Variants in RIMBP2 observed in about 807,000 individuals in gnomAD.
The protein encoded by RIMBP2 is RIMS-binding protein 2.
Under a neutral mutation model 118.6 loss-of-function variants are expected in RIMBP2, and 48 were observed. The observed-to-expected ratio is 0.40, with a 90% CI of 0.32 to 0.51. The LOEUF is 0.51. Ranked by LOEUF, RIMBP2 falls within the 20% of genes least tolerant of loss-of-function variation. The pLI is 0.41. For synonymous variants in RIMBP2, 762 were observed against 742.9 expected (o/e 1.03, Z -0.42); for missense variants, 1,551 against 1,768.3 (o/e 0.88, Z 2.20).
intron 2 of RIMBP2, among the ~76,000 whole-genome samples, chr12:130,520,353 G>T (rs1255777075): frequency 6.6e-6 from 1 of 151,996 alleles, no homozygotes; most frequent in Non-Finnish European, 1.5e-5. Context: ...GTCCAAGCGT[G>T]AACAGGCACT....
chr12:130,403,382 C>T (rs754504719), intron 21 of RIMBP2, among the ~76,000 whole-genome samples: 6 of 152,104 alleles, frequency 3.9e-5, no homozygotes, highest in Non-Finnish European at 8.8e-5. Flanking sequence ...GAAGACTATT[C>T]AAGAAACTAA....
intron 2 of RIMBP2, among the ~76,000 whole-genome samples, chr12:130,587,132 C>T (rs1490246735): frequency 1.0e-3 from 124 of 120,758 alleles, no homozygotes; most frequent in East Asian, 4.7e-3. Flanking sequence ...CAATGAGATA[C>T]CATCTCACAC....
rs563138987 is a variant in RIMBP2 at position 130,583,590 on chromosome 12, ATC to A, written c.-217+44730_-217+44731del. ...ACCATCACCTCATCACCGTTTCATCATCATCATTACCTTCATCACTAACATTA... is the reference window on the plus strand; with the variant it reads ...ACCATCACCTCATCACCGTTTCATCAATCATTACCTTCATCACTAACATTA... On this transcript the variant is annotated intron_variant, in intron 2 of 22. Coordinates refer to ENST00000690449, the MANE Select transcript of RIMBP2 (RefSeq NM_001393629.1). 2.5e-3 allele frequency among the ~76,000 whole-genome samples: 371 copies of A among 151,202 alleles called. 1 individual carries two copies. The highest frequency in any genetic ancestry group is 6.9e-3 in the Middle Eastern group (2 of 290).
chr12:130,407,525 GC>G (rs1160172018), intron 20 of RIMBP2, among the ~76,000 whole-genome samples, 200 bp downstream of exon 20: 2 of 152,192 alleles, frequency 1.3e-5, no homozygotes, highest in Admixed American at 6.5e-5. Flanking sequence ...TCAGGGGCTG[GC>G]CATGTCCCTG....
At chr12:130,437,466 C>T (rs1164119016) in intron 12 of RIMBP2, among the ~76,000 whole-genome samples, 175 bp from the exon 13 acceptor site, 1 of 152,052 alleles carries the variant, frequency 6.6e-6, no homozygotes, top group Non-Finnish European at 1.5e-5. Context: ...GGGGAGGGGG[C>T]GGGGCAGGTT....
At chr12:130,626,126 G>A (rs2061604676) in intron 2 of RIMBP2, among the ~76,000 whole-genome samples, 1 of 152,164 alleles carries the variant, frequency 6.6e-6, no homozygotes, top group Admixed American at 6.6e-5. Context: ...GATGATTAGT[G>A]GCTCTATTGT....
rs1242045867 is a variant in RIMBP2, at chr12:130,646,286, A to T, written c.-351-17830T>A. ...CTCCACCTGCCTCACCACCTCCCTC[A>T]CCACCTGCCTCTCCACCTCCCTCAC... On this transcript the variant is annotated intron_variant, in intron 1 of 22. Coordinates refer to ENST00000690449, the MANE Select transcript of RIMBP2 (RefSeq NM_001393629.1). Among the ~76,000 whole-genome samples the T allele has an allele frequency of 6.2e-4, 21 of 34,004 alleles. 3 individuals are homozygous for T. Among genetic ancestry groups the T allele is most frequent in the South Asian group, 5.9e-3 (3 of 506 alleles). 22.3% of individuals were successfully genotyped at this position (34,004 alleles called of 152,430 possible).
At chr12:130,569,774 C>T (rs1344472155) in intron 2 of RIMBP2, among the ~76,000 whole-genome samples, 1 of 152,214 alleles carries the variant, frequency 6.6e-6, no homozygotes, top group African/African-American at 2.4e-5. Flanking sequence ...CCTCCCCAGC[C>T]ATGCTTCCTG....
chr12:130,686,131 G>A (rs1483787905), intron 1 of RIMBP2, among the ~76,000 whole-genome samples: 2 of 152,200 alleles, frequency 1.3e-5, no homozygotes, highest in African/African-American at 4.8e-5. Context: ...CAGGCTGCCT[G>A]GCCCTGGAGA....
At chr12:130,567,459 C>A (rs1013091363) in intron 2 of RIMBP2, among the ~76,000 whole-genome samples, 3 of 152,188 alleles carry the variant, frequency 2.0e-5, no homozygotes, top group African/African-American at 7.2e-5. Flanking sequence ...CAGCCTGGAG[C>A]GTGTCTTGCC....
intron 1 of RIMBP2, among the ~76,000 whole-genome samples, chr12:130,664,433 A>ACG (rs1566439159): frequency 1.6e-4 from 12 of 77,194 alleles, no homozygotes; most frequent in East Asian, 4.6e-4. Context: ...ACACACATGC[A>ACG]TGCACGCACA....
chr12:130,545,796 C>A (rs568122057), intron 2 of RIMBP2, among the ~76,000 whole-genome samples: 3 of 152,320 alleles, frequency 2.0e-5, no homozygotes, highest in Non-Finnish European at 4.4e-5. Context: ...TGCCTCTACA[C>A]CAGAAGCACG....
intron 1 of RIMBP2, among the ~76,000 whole-genome samples, chr12:130,632,203 C>T (rs948913040): frequency 2.0e-5 from 3 of 152,256 alleles, no homozygotes; most frequent in African/African-American, 7.2e-5. Flanking sequence ...AGTGAGATCC[C>T]TGCAGGCAGA....
At chr12:130,398,305 G>T (rs1483146455) in intron 22 of RIMBP2, 2 of 152,218 alleles carry the variant, frequency 1.3e-5, no homozygotes, top group African/African-American at 4.8e-5. Context: ...CATTCCTCTG[G>T]CCCTACCTCT....
chr12:130,482,393 G>T (rs1348316703), intron 4 of RIMBP2, among the ~76,000 whole-genome samples: 1 of 152,230 alleles, frequency 6.6e-6, no homozygotes. Context: ...ACCCCAGAGT[G>T]GGGGCACAGT....
chr12:130,418,205 A>C (rs1282042080), intron 17 of RIMBP2, among the ~76,000 whole-genome samples: 1 of 152,262 alleles, frequency 6.6e-6, no homozygotes, highest in Admixed American at 6.5e-5. Context: ...ATTGAGATTC[A>C]GAGTCTTTTT....
At chr12:130,433,095 ACT>A (rs1286324618) in intron 14 of RIMBP2, among the ~76,000 whole-genome samples, 3 of 152,106 alleles carry the variant, frequency 2.0e-5, no homozygotes, top group African/African-American at 4.8e-5. Flanking sequence ...ACTCCTCCTA[ACT>A]CTCATTTACA....
chr12:130,669,089 A>T (rs1425266574), intron 1 of RIMBP2: 2 of 152,210 alleles, frequency 1.3e-5, no homozygotes, highest in Admixed American at 6.5e-5. Flanking sequence ...AACCAAACAC[A>T]TCCATGTATC....
chr12:130,491,543 G>A (rs2048642718), intron 4 of RIMBP2, among the ~76,000 whole-genome samples: 1 of 152,166 alleles, frequency 6.6e-6, no homozygotes, highest in African/African-American at 2.4e-5. Context: ...TCGTGCCTCT[G>A]TCACAGAGCC....
Sources: gnomAD v4.1 joint callset for allele counts (sites outside exome capture counted in the v4.1 genomes callset) on GRCh38, gnomAD v4.1.1 for gene constraint, MANE v1.5 for transcripts, NCBI Gene and HGNC (gene_info 2026-07-23, HGNC 2026-07-21) for gene names.